The following DDAH1 variants were observed in gnomAD, a reference collection of about 807,000 sequenced individuals.
DDAH1 encodes the protein N(G),N(G)-dimethylarginine dimethylaminohydrolase 1.
Under a neutral mutation model 28.8 loss-of-function variants are expected in DDAH1, and 19 were observed. The ratio of observed to expected loss-of-function variants is 0.66; its 90% CI spans 0.46 to 0.97. The LOEUF is 0.97. DDAH1 is among the 50% of genes least tolerant of loss of function. The pLI, the probability that DDAH1 is intolerant of heterozygous loss-of-function variation, is 0.00. For missense variants in DDAH1, 326 were observed against 375.9 expected (o/e 0.87, Z 1.10); for synonymous variants, 153 against 154.4 (o/e 0.99, Z 0.07).
At chr1:85,482,306 T>G (rs1255332761) in intron 2 of DDAH1, 1 of 152,178 alleles carries the variant, frequency 6.6e-6, no homozygotes, top group East Asian at 1.9e-4. Flanking sequence ...TCAATAGTAT[T>G]TTATTCTCTA....
intron 1 of DDAH1, among the ~76,000 whole-genome samples, chr1:85,573,164 C>T (rs1445469800): frequency 1.3e-5 from 2 of 152,164 alleles, no homozygotes; most frequent in African/African-American, 2.4e-5. Flanking sequence ...AGTCCAACTG[C>T]TTGAATACTC....
chr1:85,514,841 C>T (rs796167483), intron 1 of DDAH1, among the ~76,000 whole-genome samples: 1 of 152,026 alleles, frequency 6.6e-6, no homozygotes, highest in African/African-American at 2.4e-5. Context: ...CTAAACTTAC[C>T]TTGTAGTTTC....
chr1:85,392,620 C>T (rs1186735380), intron 1 of DDAH1, among the ~76,000 whole-genome samples: 1 of 151,710 alleles, frequency 6.6e-6, no homozygotes, highest in Non-Finnish European at 1.5e-5. Flanking sequence ...TAGTGAAACC[C>T]TGTCTGTACT....
chr1:85,416,182 C>CAT (rs1652877010), intron 1 of DDAH1, among the ~76,000 whole-genome samples: 1 of 152,244 alleles, frequency 6.6e-6, no homozygotes, highest in Non-Finnish European at 1.5e-5. Context: ...TTCACTCTAA[C>CAT]AAAGTCTTAT....
intron 1 of DDAH1, among the ~76,000 whole-genome samples, chr1:85,407,540 T>C (rs1652461909): frequency 6.6e-6 from 1 of 152,222 alleles, no homozygotes; most frequent in African/African-American, 2.4e-5. Context: ...TAACAATCGA[T>C]AGATTATTAT....
At chr1:85,410,419 C>A (rs1268146307) in intron 1 of DDAH1, among the ~76,000 whole-genome samples, 1 of 152,178 alleles carries the variant, frequency 6.6e-6, no homozygotes, top group Non-Finnish European at 1.5e-5. Flanking sequence ...GCGGGTGGAT[C>A]ACCTGAGTTT....
At chr1:85,372,429 G>A (rs1650432019) in intron 1 of DDAH1, among the ~76,000 whole-genome samples, 1 of 152,068 alleles carries the variant, frequency 6.6e-6, no homozygotes, top group African/African-American at 2.4e-5. Flanking sequence ...AGCTGGAAAA[G>A]ACTGGAACAG....
At chr1:85,506,731 C>G (rs1657030812) in intron 1 of DDAH1, among the ~76,000 whole-genome samples, 1 of 152,214 alleles carries the variant, frequency 6.6e-6, no homozygotes, top group Non-Finnish European at 1.5e-5. Flanking sequence ...TAAGCTTATT[C>G]AGACTTTACC....
chr1:85,511,000 C>A (rs188213082), intron 1 of DDAH1, among the ~76,000 whole-genome samples: 2 of 152,184 alleles, frequency 1.3e-5, no homozygotes, highest in South Asian at 4.1e-4. Flanking sequence ...ACAAGCAGAT[C>A]CAATAGACAT....
At chr1:85,431,750 T>C (rs1653697860) in intron 1 of DDAH1, among the ~76,000 whole-genome samples, 1 of 152,216 alleles carries the variant, frequency 6.6e-6, no homozygotes. Flanking sequence ...ATGCTAATGC[T>C]TGGAGATATA....
At chr1:85,399,869 AC>A (rs1235501870) in intron 1 of DDAH1, 1 of 152,072 alleles carries the variant, frequency 6.6e-6, no homozygotes, top group African/African-American at 2.4e-5. Flanking sequence ...TATAAAACCA[AC>A]CCCTTCTGTT....
chr1:85,362,906 T>A (rs1649867031), intron 1 of DDAH1, among the ~76,000 whole-genome samples: 2 of 152,160 alleles, frequency 1.3e-5, no homozygotes, highest in South Asian at 4.1e-4. Context: ...AAGTTCAGTT[T>A]TCCTTTTGTT....
At chr1:85,337,383 T>G (rs1375705919) in intron 4 of DDAH1, among the ~76,000 whole-genome samples, 1 of 152,196 alleles carries the variant, frequency 6.6e-6, no homozygotes, top group East Asian at 1.9e-4. Context: ...CTGCATACAC[T>G]TGTCAAAACT....
At chr1:85,560,685 G>A (rs1028359386) in intron 1 of DDAH1, among the ~76,000 whole-genome samples, 16 of 151,934 alleles carry the variant, frequency 1.1e-4, no homozygotes, top group Middle Eastern at 3.2e-3. Flanking sequence ...TTTTAACATT[G>A]GAAGTATATA....
intron 1 of DDAH1, among the ~76,000 whole-genome samples, chr1:85,359,085 A>G (rs955510979): frequency 1.3e-5 from 2 of 152,230 alleles, no homozygotes; most frequent in Admixed American, 1.3e-4. Flanking sequence ...GATTGAGTCA[A>G]TACAGTGTCA....
At chr1:85,336,521 G>T (rs1648132843) in intron 4 of DDAH1, among the ~76,000 whole-genome samples, 1 of 151,810 alleles carries the variant, frequency 6.6e-6, no homozygotes, top group African/African-American at 2.4e-5. Flanking sequence ...CAAAACCTGT[G>T]GGATAAAGAA....
chr1:85,421,912 T>C (rs905272976), intron 1 of DDAH1, among the ~76,000 whole-genome samples: 2 of 152,356 alleles, frequency 1.3e-5, no homozygotes, highest in East Asian at 3.9e-4. Context: ...ATGCAGGTTT[T>C]TGTGTGGACA....
chr1:85,500,518 T>C (rs1656786872), intron 1 of DDAH1, among the ~76,000 whole-genome samples: 1 of 152,186 alleles, frequency 6.6e-6, no homozygotes, highest in Non-Finnish European at 1.5e-5. Context: ...TTTCATAAAC[T>C]TGGTTATAAT....
intron 1 of DDAH1, among the ~76,000 whole-genome samples, chr1:85,431,474 G>A (rs1397731986): frequency 6.6e-6 from 1 of 150,930 alleles, no homozygotes; most frequent in African/African-American, 2.4e-5. Flanking sequence ...AGGGGACTAG[G>A]CTGTTCCTTA....
Sources: allele counts gnomAD v4.1 joint callset (sites outside exome capture counted in the v4.1 genomes callset), GRCh38; gene constraint gnomAD v4.1.1; transcripts MANE v1.5; gene names NCBI Gene and HGNC (gene_info 2026-07-23, HGNC 2026-07-21).